The following MAPK9 variants were observed in gnomAD, a reference collection of about 807,000 sequenced individuals.
MAPK9 encodes the protein Jun kinase.
Under a neutral mutation model 57.1 loss-of-function variants are expected in MAPK9, and 30 were observed. That is an observed-to-expected ratio of 0.53 (90% CI 0.39 to 0.71). The LOEUF is 0.71. Among genes scored for constraint, MAPK9 ranks in the 30% least tolerant of loss-of-function variants. The pLI, the probability that MAPK9 is intolerant of heterozygous loss-of-function variation, is 0.00. For missense variants in MAPK9, 362 were observed against 521.0 expected, an observed-to-expected ratio of 0.69 and a Z score of 2.97; for synonymous variants, 155 against 177.0, an observed-to-expected ratio of 0.88 and a Z score of 0.99.
intron 11 of MAPK9, chr5:180,237,669 C>T (rs773278210): frequency 1.3e-5 from 2 of 152,218 alleles, no homozygotes; most frequent in Non-Finnish European, 2.9e-5. Flanking sequence ...GCAGTTATTG[C>T]AAAGATGAAA....
At chr5:180,278,186 A>T (rs1761991681) in intron 2 of MAPK9, among the ~76,000 whole-genome samples, 6 of 152,248 alleles carry the variant, frequency 3.9e-5, no homozygotes, top group Admixed American at 3.3e-4. Flanking sequence ...TACAGGCAAT[A>T]AGGTCCCAAA....
intron 11 of MAPK9, 116 bp from the exon 12 acceptor site, chr5:180,236,642 CTA>C: frequency 8.8e-7 from 1 of 1,138,326 alleles, no homozygotes; most frequent in East Asian, 2.5e-5. Context: ...CCAATCCTAA[CTA>C]TGAGTATAGA....
At chr5:180,288,158 G>A (rs1377660470) in intron 1 of MAPK9, among the ~76,000 whole-genome samples, 2 of 152,184 alleles carry the variant, frequency 1.3e-5, no homozygotes, top group African/African-American at 4.8e-5. Context: ...ATCTGACGAA[G>A]CCTCGTCTAG....
chr5:180,264,438 T>G (rs1760320508), intron 4 of MAPK9, among the ~76,000 whole-genome samples: 1 of 152,242 alleles, frequency 6.6e-6, no homozygotes, highest in South Asian at 2.1e-4. Context: ...GACTTAATCA[T>G]TTTAAGTAAT....
chr5:180,251,564 T>C (rs1581199129), intron 5 of MAPK9, among the ~76,000 whole-genome samples: 1 of 151,872 alleles, frequency 6.6e-6, no homozygotes, highest in Admixed American at 6.6e-5. Context: ...GCTAAGGAGG[T>C]GCTCTCCCCG....
intron 2 of MAPK9, among the ~76,000 whole-genome samples, chr5:180,277,130 G>A (rs1445986564): frequency 6.6e-6 from 1 of 152,148 alleles, no homozygotes; most frequent in African/African-American, 2.4e-5. Context: ...CACTGTTGCT[G>A]TTATATTTCT....
chr5:180,241,130 T>G lies in MAPK9; in HGVS notation c.897A>C (p.Ser299=). ...IKTSQARDLL[S]KMLVIDPDKR... ...TGTCAGGATCAATCACTAACATTTT[T>G]GATAACAGATCTCTGGCTTGACTTG... The change falls in exon 9 of 12, where the codon TCA becomes TCC. Residue 299 remains serine, a synonymous_variant. Transcript: ENST00000452135. 1 of 1,613,824 alleles carries G rather than the reference T, an allele frequency of 6.2e-7. No homozygotes were observed. Among genetic ancestry groups the G allele is most frequent in the Non-Finnish European group, 8.5e-7 (1 of 1,179,898 alleles).
chr5:180,283,807 G>A (rs947528202), intron 1 of MAPK9, among the ~76,000 whole-genome samples: 8 of 152,112 alleles, frequency 5.3e-5, no homozygotes, highest in South Asian at 4.1e-4. Flanking sequence ...GTGGTAGTGC[G>A]TGCCTGTAAT....
At chr5:180,259,069 A>G (rs1411442072) in intron 5 of MAPK9, among the ~76,000 whole-genome samples, 1 of 151,960 alleles carries the variant, frequency 6.6e-6, no homozygotes, top group East Asian at 1.9e-4. Flanking sequence ...ACCTTCAGGC[A>G]TTCCAGCTCC....
At chr5:180,243,850 T>C (rs564031225) in intron 7 of MAPK9, among the ~76,000 whole-genome samples, 1 of 152,314 alleles carries the variant, frequency 6.6e-6, no homozygotes, top group South Asian at 2.1e-4. Context: ...TTCTGCCATA[T>C]ATACATATAT....
chr5:180,236,672 G>A (rs1426456448), intron 11 of MAPK9, 146 bp from the exon 12 acceptor site: 2 of 742,804 alleles, frequency 2.7e-6, no homozygotes, highest in African/African-American at 1.8e-5. Flanking sequence ...TCAGTCAGCT[G>A]GACTTTCTGA....
intron 1 of MAPK9, among the ~76,000 whole-genome samples, chr5:180,281,577 G>A (rs1437360500): frequency 6.6e-6 from 1 of 152,204 alleles, no homozygotes; most frequent in Non-Finnish European, 1.5e-5. Flanking sequence ...TAAGACTACA[G>A]AATGTATTCT....
At chr5:180,288,632 A>C (rs1581338223) in intron 1 of MAPK9, among the ~76,000 whole-genome samples, 2 of 152,304 alleles carry the variant, frequency 1.3e-5, no homozygotes, top group East Asian at 1.9e-4. Flanking sequence ...CAGCAGACCC[A>C]CTGGGAGTCT....
At chr5:180,241,616 A>C (rs1367692092) in intron 8 of MAPK9, among the ~76,000 whole-genome samples, 1 of 151,334 alleles carries the variant, frequency 6.6e-6, no homozygotes, top group African/African-American at 2.4e-5. Context: ...AAACATTTTT[A>C]AGAAAAAGTC....
Position 180,234,118 on chromosome 5 carries a change from A to C in MAPK9, c.*2266T>G, listed in dbSNP as rs1757015109. 4 of 152,198 alleles carry C rather than the reference A, an allele frequency of 2.6e-5. No individual in the cohort carries two copies. The highest frequency in any genetic ancestry group is 6.5e-5 in the Admixed American group (1 of 15,268). 9.4% of individuals were successfully genotyped at this position (152,198 alleles called of 1,614,324 possible). Reference sequence around the variant, plus strand: ...TAGTCTAAATTCCAGGATAATAGTAAATTACCTGGTTTATAAAAATACATG... The same window carrying C: ...TAGTCTAAATTCCAGGATAATAGTACATTACCTGGTTTATAAAAATACATG... On this transcript the variant is annotated 3_prime_UTR_variant, in exon 12 of 12. Coordinates refer to ENST00000452135, the MANE Select transcript of MAPK9 (RefSeq NM_002752.5).
rs750370879 is a variant in MAPK9 at position 180,278,398 on chromosome 5, G to A, written c.122+2042C>T. Among the ~76,000 whole-genome samples the A allele has an allele frequency of 9.2e-5, 14 of 152,320 alleles. No individual in the cohort carries two copies. In the South Asian group the frequency reaches 1.0e-3, roughly 11 times the overall value. On this transcript the variant is annotated intron_variant, in intron 2 of 11. Transcript: ENST00000452135. ...ATGCCAGCTGGGATAAATGAAGCACGTATTTAAAACAGCTACCTGTAGGCC... is the reference window on the plus strand; with the variant it reads ...ATGCCAGCTGGGATAAATGAAGCACATATTTAAAACAGCTACCTGTAGGCC...
intron 1 of MAPK9, among the ~76,000 whole-genome samples, chr5:180,282,351 A>G (rs770616737): frequency 6.6e-6 from 1 of 152,242 alleles, no homozygotes; most frequent in Non-Finnish European, 1.5e-5. Flanking sequence ...ATAGTCAGCT[A>G]GCAACCAGTC....
At chr5:180,268,599 T>G (rs1403000978) in intron 3 of MAPK9, among the ~76,000 whole-genome samples, 2 of 147,414 alleles carry the variant, frequency 1.4e-5, no homozygotes, top group Non-Finnish European at 3.0e-5. Context: ...AGGCTGAGGC[T>G]GGCGGACCAT....
intron 1 of MAPK9, among the ~76,000 whole-genome samples, chr5:180,281,878 A>C (rs1354887266): frequency 1.3e-5 from 2 of 152,122 alleles, no homozygotes; most frequent in Non-Finnish European, 2.9e-5. Context: ...CCAGGGAGTG[A>C]CTCCAGTGAC....
Sources: allele counts gnomAD v4.1 joint callset (sites outside exome capture counted in the v4.1 genomes callset), GRCh38; gene constraint gnomAD v4.1.1; transcripts MANE v1.5; gene names NCBI Gene and HGNC (gene_info 2026-07-23, HGNC 2026-07-21).